Variants in GABRR3 observed in about 807,000 individuals in gnomAD.
GABRR3 encodes gamma-aminobutyric acid receptor subunit rho-3.
GABRR3 carries 29 observed loss-of-function variants against 43.2 expected under a neutral mutation model. The ratio of observed to expected loss-of-function variants is 0.67; its 90% CI spans 0.50 to 0.92. The LOEUF is 0.92. Among genes scored for constraint, GABRR3 ranks in the 40% least tolerant of loss-of-function variants. GABRR3 has a pLI of 0.00. For missense variants in GABRR3, 576 were observed against 572.3 expected (o/e 1.01, Z -0.07); for synonymous variants, 206 against 195.9 (o/e 1.05, Z -0.43).
chr3:97,987,348 T>G (rs1706401309), intron 9 of GABRR3, among the ~76,000 whole-genome samples: 1 of 152,198 alleles, frequency 6.6e-6, no homozygotes, highest in South Asian at 2.1e-4. Context: ...AACTGGTTTA[T>G]TTTTCTGAAG....
chr3:98,030,346 C>T (rs187279202), intron 2 of GABRR3, among the ~76,000 whole-genome samples: 3 of 152,100 alleles, frequency 2.0e-5, no homozygotes, highest in South Asian at 2.1e-4. Context: ...AATAAATGTT[C>T]AGAAACAAAG....
intron 2 of GABRR3, among the ~76,000 whole-genome samples, chr3:98,033,494 A>AT (rs769007599): frequency 2.6e-5 from 4 of 152,178 alleles, no homozygotes; most frequent in Admixed American, 1.3e-4. Flanking sequence ...TACATGGTAG[A>AT]TTTTTTCTGT....
At chr3:97,989,517 T>C (rs561397285) in intron 9 of GABRR3, among the ~76,000 whole-genome samples, 24 of 151,442 alleles carry the variant, frequency 1.6e-4, no homozygotes, top group Non-Finnish European at 2.9e-4. Context: ...TGGTGGGTGG[T>C]GGATGGTAGT....
At chr3:98,034,983 A>T (rs780165542) in exon 2 of GABRR3, 14 of 1,612,004 alleles carry the variant, frequency 8.7e-6, no homozygotes, top group African/African-American at 1.3e-5. Flanking sequence ...GAAAGCCAGG[A>T]CCATCTCTTC....
intron 8 of GABRR3, 34 bp downstream of exon 8, chr3:98,001,581 T>A (rs1179531694): frequency 6.2e-7 from 1 of 1,610,398 alleles, no homozygotes; most frequent in East Asian, 2.2e-5. Context: ...CTTTCTCCCA[T>A]GTTAACATTT....
chr3:98,012,303 G>T lies in GABRR3; in HGVS notation c.530+41C>A, dbSNP rs555786442. The T allele has an allele frequency of 6.9e-6, 10 of 1,452,918 alleles. No homozygotes were observed. In the African/African-American group the frequency reaches 8.4e-5, roughly 12 times the overall value. The allele number at this position is 1,452,918 out of a possible 1,614,324, so 90.0% of individuals were successfully genotyped here. A position where few individuals can be genotyped will look rare whatever the true frequency, so the allele number is the denominator to read the frequency against. On this transcript the variant is annotated intron_variant, in intron 5 of 9. Coordinates refer to ENST00000621172, the Ensembl canonical transcript of GABRR3. ...ATCATCAGCTTTGGTGCAGATGGCT[G>T]CAGTACAGGGAAGCCAAAGGCGATA...
intron 8 of GABRR3, chr3:97,998,430 C>T (rs908840694): frequency 6.6e-6 from 1 of 152,070 alleles, no homozygotes; most frequent in African/African-American, 2.4e-5. Flanking sequence ...AAAGTCTATT[C>T]AAAGTATGAG....
At chr3:98,011,083 C>T (rs187284119) in intron 5 of GABRR3, among the ~76,000 whole-genome samples, 1 of 152,230 alleles carries the variant, frequency 6.6e-6, no homozygotes, top group East Asian at 1.9e-4. Flanking sequence ...CTGGGTGACA[C>T]AGTGAGGCCC....
intron 9 of GABRR3, among the ~76,000 whole-genome samples, chr3:97,991,441 T>A (rs958869100): frequency 8.5e-5 from 13 of 152,234 alleles, no homozygotes; most frequent in African/African-American, 3.1e-4. Context: ...TAACAGCTCC[T>A]GGTTTCCTTA....
At chr3:98,010,223 A>G (rs892294663) in intron 5 of GABRR3, among the ~76,000 whole-genome samples, 6 of 152,242 alleles carry the variant, frequency 3.9e-5, no homozygotes, top group Non-Finnish European at 7.4e-5. Flanking sequence ...AATCAACAGT[A>G]GAAAAGAGGC....
At chr3:98,031,743 A>G (rs1707089038) in intron 2 of GABRR3, among the ~76,000 whole-genome samples, 1 of 151,746 alleles carries the variant, frequency 6.6e-6, no homozygotes, top group Non-Finnish European at 1.5e-5. Flanking sequence ...ACCTTGTTTC[A>G]GAAAAAAAAA....
At chr3:98,024,819 G>T (rs1706991607) in intron 3 of GABRR3, among the ~76,000 whole-genome samples, 1 of 152,218 alleles carries the variant, frequency 6.6e-6, no homozygotes, top group Non-Finnish European at 1.5e-5. Flanking sequence ...CCTGTGTATT[G>T]TTGGAAAACT....
At chr3:97,993,908 A>G (rs1428760425) in intron 8 of GABRR3, among the ~76,000 whole-genome samples, 1 of 152,182 alleles carries the variant, frequency 6.6e-6, no homozygotes, top group Non-Finnish European at 1.5e-5. Flanking sequence ...TGGAGAACGA[A>G]GTGACTCTGA....
intron 9 of GABRR3, among the ~76,000 whole-genome samples, chr3:97,988,428 G>A (rs1320181612): frequency 1.3e-5 from 2 of 152,072 alleles, no homozygotes; most frequent in Non-Finnish European, 2.9e-5. Context: ...TCAACACCAG[G>A]GATACATTTT....
chr3:97,995,852 C>G (rs79284839), intron 8 of GABRR3, among the ~76,000 whole-genome samples: 4,531 of 152,220 alleles, frequency 0.03, 104 homozygotes, highest in Non-Finnish European at 0.045. Flanking sequence ...ATGAAGCAAC[C>G]ATTTAGTCAA....
chr3:97,989,194 AGTGGATGGTGGTGGTGTTG>A (rs1456551546), intron 9 of GABRR3, among the ~76,000 whole-genome samples: 2 of 129,122 alleles, frequency 1.5e-5, no homozygotes, highest in Non-Finnish European at 3.3e-5. Context: ...TAGTAATGTT[AGTGGATGGTGGTGGTGTTG>A]GTGGATGGTG....
At chr3:98,017,863 C>A in intron 3 of GABRR3, 141 bp from the exon 4 acceptor site, 2 of 587,780 alleles carry the variant, frequency 3.4e-6, no homozygotes, top group East Asian at 2.9e-5. Context: ...CTCCATTATT[C>A]ATTGAATCAG....
rs538722962 is a variant in GABRR3, at chr3:98,027,954, AACT to A, written c.126-2278_126-2276del. Among the ~76,000 whole-genome samples, 542 of 152,236 alleles carry A rather than the reference AACT, an allele frequency of 3.6e-3. 4 individuals are homozygous for A. Among genetic ancestry groups the A allele is most frequent in the South Asian group, 0.025 (119 of 4,832 alleles). On this transcript the variant is annotated intron_variant, in intron 2 of 9. Transcript: ENST00000621172. ...TTTATATCATTCTTTTTTTAAAAAAAACTACTATCTCCATTTTATTTACTTCAT... is the reference window on the plus strand; with the variant it reads ...TTTATATCATTCTTTTTTTAAAAAAAACTATCTCCATTTTATTTACTTCAT...
chr3:97,986,688 C>T (rs1011179777), exon 10 of GABRR3: 3 of 1,524,916 alleles, frequency 2.0e-6, no homozygotes, highest in South Asian at 1.2e-5. Flanking sequence ...CCCCTTCATA[C>T]ATATACACCC....
Sources: allele counts gnomAD v4.1 joint callset (sites outside exome capture counted in the v4.1 genomes callset), GRCh38; gene constraint gnomAD v4.1.1; transcripts MANE v1.5; gene names NCBI Gene and HGNC (gene_info 2026-07-23, HGNC 2026-07-21).